Variants in IQCH observed in about 807,000 individuals in gnomAD.
IQCH encodes the protein IQ motif containing H.
Under a neutral mutation model 117.0 loss-of-function variants are expected in IQCH, and 98 were observed. The observed-to-expected ratio is 0.84, with a 90% CI of 0.71 to 0.99. The LOEUF (loss-of-function observed/expected upper bound fraction) is 0.99, where lower values mean the gene tolerates loss of function less well. Ranked by LOEUF, IQCH falls within the 50% of genes least tolerant of loss-of-function variation. The pLI is 0.00. For synonymous variants in IQCH, 412 were observed against 448.2 expected, an observed-to-expected ratio of 0.92 and a Z score of 1.02; for missense variants, 1,102 against 1,243.8, an observed-to-expected ratio of 0.89 and a Z score of 1.72.
intron 4 of IQCH, among the ~76,000 whole-genome samples, chr15:67,297,663 C>G (rs1966862905): frequency 1.3e-5 from 2 of 152,126 alleles, no homozygotes. Context: ...CCCCAATTGT[C>G]TTTAAATTGT....
rs57244130 is a variant in IQCH at position 67,340,426 on chromosome 15, C to CAAAAA, written c.508+3365_508+3369dup. Among the ~76,000 whole-genome samples, 14 of 62,654 alleles carry CAAAAA rather than the reference C, an allele frequency of 2.2e-4. 1 individual carries two copies. The highest frequency in any genetic ancestry group is 3.9e-4 in the African/African-American group (6 of 15,444). The allele number at this position is 62,654 out of a possible 152,430, so 41.1% of individuals were successfully genotyped here. ...TGGGCAACAGAGAGATACTCCATCT[C>CAAAAA]AAAAAAAAAAAAAAAAAAAAAAAAA... On this transcript the variant is annotated intron_variant, in intron 5 of 20. Transcript: ENST00000335894.
At chr15:67,440,334 T>C (rs778391754) in intron 16 of IQCH, among the ~76,000 whole-genome samples, 5 of 152,152 alleles carry the variant, frequency 3.3e-5, no homozygotes, top group South Asian at 2.1e-4. Context: ...TTCCACAAGA[T>C]AGAGAAAGAA....
At position 67,359,546 on chromosome 15, in the gene IQCH, G is replaced by GT. The variant is rs1017875827; in HGVS notation, c.715-300dup. ...TTTGATCAGACACCACCACAAAGCA[G>GT]TGTGGTGCCACGCTAGTGTCCCCTA... On this transcript the variant is annotated intron_variant, in intron 7 of 20. Coordinates refer to ENST00000335894, the MANE Select transcript of IQCH (RefSeq NM_001031715.3). The surrounding 1 kb of genome is among the most constrained non-coding windows in gnomAD (Gnocchi z 4.5). Among the ~76,000 whole-genome samples, 1 of 152,254 alleles carries GT rather than the reference G, an allele frequency of 6.6e-6. No homozygotes were observed. The highest frequency in any genetic ancestry group is 1.5e-5 in the Non-Finnish European group (1 of 68,040).
intron 4 of IQCH, among the ~76,000 whole-genome samples, chr15:67,322,028 T>G (rs1268805838): frequency 6.6e-6 from 1 of 152,238 alleles, no homozygotes; most frequent in Non-Finnish European, 1.5e-5. Context: ...AAAAATTAAT[T>G]GTTCTACCAA....
At chr15:67,498,002 A>T (rs547577318) in intron 20 of IQCH, among the ~76,000 whole-genome samples, 26 of 152,204 alleles carry the variant, frequency 1.7e-4, no homozygotes, top group Non-Finnish European at 3.7e-4. Context: ...GAAATTGACA[A>T]GATGATCCTA....
chr15:67,449,687 A>C (rs1340837204), intron 16 of IQCH, among the ~76,000 whole-genome samples: 3 of 152,216 alleles, frequency 2.0e-5, no homozygotes, highest in African/African-American at 7.2e-5. Context: ...CTTTTGGCTT[A>C]GGATTGACTT....
chr15:67,409,704 T>C (rs2081395949), intron 14 of IQCH, among the ~76,000 whole-genome samples: 1 of 152,214 alleles, frequency 6.6e-6, no homozygotes, highest in African/African-American at 2.4e-5. Flanking sequence ...AAATGGGCCA[T>C]TAGCTATCGA....
In IQCH at chr15:67,412,446, GTT is replaced by G. The variant is rs377733254; in HGVS notation, c.2098-4484_2098-4483del. ...TCTTAAGAGACAGAGTTTTGGTTTT[GTT>G]GCCCAGGCTGGAGTGCAATGACGCT... On this transcript the variant is annotated intron_variant, in intron 14 of 20. Coordinates refer to ENST00000335894, the MANE Select transcript of IQCH (RefSeq NM_001031715.3). 3.1e-3 allele frequency among the ~76,000 whole-genome samples: 475 copies of G among 151,958 alleles called. 2 individuals are homozygous for G. Among genetic ancestry groups the G allele is most frequent in the African/African-American group, 0.011 (466 of 41,444 alleles).
In IQCH at chr15:67,261,628, C is replaced by A. The variant is rs563503337; in HGVS notation, c.174+234C>A. The stretch of plus-strand genomic sequence containing the variant: ...TAAATATAAGATTATGCAGTGACAA[C>A]TCCTAAAATGTGGTTTTATAAAAAT... On this transcript the variant is annotated intron_variant, in intron 2 of 20. Coordinates refer to ENST00000335894, the MANE Select transcript of IQCH (RefSeq NM_001031715.3). Among the ~76,000 whole-genome samples the A allele has an allele frequency of 1.1e-4, 16 of 152,278 alleles. No individual in the cohort carries two copies. The East Asian group carries it at 2.7e-3, about 26-fold the overall frequency.
Position 67,393,786 on chromosome 15 carries a change from G to A in IQCH, c.1633-1505G>A, listed in dbSNP as rs1360004296. On this transcript the variant is annotated intron_variant, in intron 12 of 20. Coordinates refer to ENST00000335894, the MANE Select transcript of IQCH (RefSeq NM_001031715.3). The surrounding 1 kb of genome is among the most constrained non-coding windows in gnomAD (Gnocchi z 5.5). ...TGCCATGGCCTCCCCTAAAGTACTG[G>A]GATTACAGGTATGAGCCACGGTGCC... Among the ~76,000 whole-genome samples the A allele has an allele frequency of 6.6e-6, 1 of 151,962 alleles. No individual in the cohort carries two copies.
At chr15:67,397,633 C>G (rs1355724841) in intron 13 of IQCH, among the ~76,000 whole-genome samples, 2 of 152,156 alleles carry the variant, frequency 1.3e-5, no homozygotes, top group Non-Finnish European at 2.9e-5. Context: ...AAACTTAAAG[C>G]TGGTGAAAGA....
chr15:67,448,798 G>A (rs2082451224), intron 16 of IQCH, among the ~76,000 whole-genome samples: 1 of 152,048 alleles, frequency 6.6e-6, no homozygotes, highest in African/African-American at 2.4e-5. Context: ...CTGAGGAATC[G>A]CCACACTGAC....
At chr15:67,375,999 C>A (rs1326482213) in intron 10 of IQCH, among the ~76,000 whole-genome samples, 1 of 152,024 alleles carries the variant, frequency 6.6e-6, no homozygotes, top group Non-Finnish European at 1.5e-5. Context: ...GTTGGCCAGG[C>A]TGGTCTGGAA....
At position 67,362,069 on chromosome 15, in the gene IQCH, GAAGA is replaced by G. The variant is rs537736235; in HGVS notation, c.753+2189_753+2192del. 1.1e-4 allele frequency among the ~76,000 whole-genome samples: 16 copies of G among 151,786 alleles called. No homozygotes were observed. The East Asian group carries it at 2.7e-3, about 26-fold the overall frequency. On this transcript the variant is annotated intron_variant, in intron 8 of 20. Transcript: ENST00000335894. ...TGAGTGTGTTTGCTTCTGGGAACAG[GAAGA>G]AAGAGGAAGGAGAATGAAAAGAAAT...
rs917635227 is a variant in IQCH, at chr15:67,494,712, A to G, written c.2970+346A>G. 2.6e-5 allele frequency among the ~76,000 whole-genome samples: 4 copies of G among 152,198 alleles called. No homozygotes were observed. Among genetic ancestry groups the G allele is most frequent in the African/African-American group, 9.7e-5 (4 of 41,438 alleles). ...CAAAAATTGCGAATGTTATCTATCT[A>G]TATTCCAGATAATACAAGGTCTGAC... On this transcript the variant is annotated intron_variant, in intron 20 of 20. Coordinates refer to ENST00000335894, the MANE Select transcript of IQCH (RefSeq NM_001031715.3). The surrounding 1 kb of genome is among the most constrained non-coding windows in gnomAD (Gnocchi z 5.5).
At chr15:67,362,419 AT>A (rs1970175606) in intron 8 of IQCH, among the ~76,000 whole-genome samples, 1 of 152,142 alleles carries the variant, frequency 6.6e-6, no homozygotes, top group South Asian at 2.1e-4. Context: ...GTAATCTCAA[AT>A]TTGGGGTCTC....
At chr15:67,414,962 A>G in intron 14 of IQCH, among the ~76,000 whole-genome samples, 1 of 152,048 alleles carries the variant, frequency 6.6e-6, no homozygotes, top group East Asian at 1.9e-4. Context: ...CATTTTCCAG[A>G]GAAGAGTGGG....
Position 67,458,729 on chromosome 15 carries a change from T to C in IQCH, c.2506-6398T>C, listed in dbSNP as rs539401326. ...GGTGACCGAGCACTTGGTCTTACTC[T>C]AGAAAAAATCAAGTGGTCCAATGCT... On this transcript the variant is annotated intron_variant, in intron 16 of 20. Coordinates refer to ENST00000335894, the MANE Select transcript of IQCH (RefSeq NM_001031715.3). This position sits in a 1 kb window ranked among gnomAD's most constrained non-coding sequence, Gnocchi z 4.1. Among the ~76,000 whole-genome samples the C allele has an allele frequency of 6.6e-6, 1 of 152,346 alleles. No individual in the cohort carries two copies. Among genetic ancestry groups the C allele is most frequent in the South Asian group, 2.1e-4 (1 of 4,828 alleles).
chr15:67,442,947 A>T (rs2082314314), intron 16 of IQCH, among the ~76,000 whole-genome samples: 1 of 151,512 alleles, frequency 6.6e-6, no homozygotes, highest in African/African-American at 2.4e-5. Flanking sequence ...CATAAAAAGG[A>T]ATGAATTAAC....
Sources: gnomAD v4.1 joint callset for allele counts (sites outside exome capture counted in the v4.1 genomes callset) on GRCh38, gnomAD v4.1.1 for gene constraint, Gnocchi (gnomAD v3.1) non-coding constraint, MANE v1.5 for transcripts, NCBI Gene and HGNC (gene_info 2026-07-23, HGNC 2026-07-21) for gene names.